Variants in FBLN1 observed in about 807,000 individuals in gnomAD.
FBLN1 encodes the protein fibulin-1.
Under a neutral mutation model 89.7 loss-of-function variants are expected in FBLN1, and 34 were observed. The observed-to-expected ratio is 0.38, with a 90% CI of 0.29 to 0.50. The LOEUF (loss-of-function observed/expected upper bound fraction) is 0.50. Among genes scored for constraint, FBLN1 ranks in the 20% least tolerant of loss-of-function variants. The pLI, the probability that FBLN1 is intolerant of heterozygous loss-of-function variation, is 0.92. For missense variants in FBLN1, 777 were observed against 988.1 expected, an observed-to-expected ratio of 0.79 and a Z score of 2.86; for synonymous variants, 393 against 391.3, an observed-to-expected ratio of 1.00 and a Z score of -0.05.
chr22:45,585,748 C>T (rs1169956019), intron 16 of FBLN1, among the ~76,000 whole-genome samples: 2 of 152,092 alleles, frequency 1.3e-5, no homozygotes, highest in African/African-American at 2.4e-5. Flanking sequence ...GGCATGGGGA[C>T]GAGGGTGTCT....
Position 45,574,636 on chromosome 22 carries a change from A to G in FBLN1, c.1823A>G (p.Glu608Gly). The G allele has an allele frequency of 6.2e-7, 1 of 1,613,898 alleles. No individual in the cohort carries two copies. Among genetic ancestry groups the G allele is most frequent in the African/African-American group, 1.3e-5 (1 of 75,028 alleles). ...GTCATCTCGCTGCCTACCTTCCGCG[A>G]GTTCACCCGCCCTGAAGGTGAGTGG... ...HTVISLPTFR[E>G]FTRPEEIIFL... Residue 608 changes from glutamate to glycine, a missense_variant, in exon 15 of 17, where the codon GAG (glutamate) becomes GGG (glycine). Coordinates refer to ENST00000327858, the MANE Select transcript of FBLN1 (RefSeq NM_006486.3). This position sits in a 1 kb window ranked among gnomAD's most constrained non-coding sequence, Gnocchi z 4.1.
intron 14 of FBLN1, chr22:45,551,025 C>A: frequency 3.3e-6 from 1 of 306,290 alleles, no homozygotes; most frequent in South Asian, 3.3e-5. Context: ...AGCCAGGGAG[C>A]CGATGTGACC....
At chr22:45,522,691 C>T (rs1331435300) in intron 2 of FBLN1, among the ~76,000 whole-genome samples, 2 of 152,192 alleles carry the variant, frequency 1.3e-5, no homozygotes, top group Non-Finnish European at 2.9e-5. Context: ...CACCAAGGCC[C>T]GACATTCCTT....
At chr22:45,503,157 G>A (rs1266027418) in intron 1 of FBLN1, 93 bp downstream of exon 1, 11 of 1,015,720 alleles carry the variant, frequency 1.1e-5, no homozygotes, top group Non-Finnish European at 1.1e-5. Flanking sequence ...GGGACTCGGA[G>A]TCCGTGCGTT....
intron 14 of FBLN1, among the ~76,000 whole-genome samples, chr22:45,551,521 C>T (rs113764477): frequency 6.6e-6 from 1 of 152,246 alleles, no homozygotes; most frequent in African/African-American, 2.4e-5. Context: ...CCCGAGCAGC[C>T]CCGTTGTCCC....
intron 1 of FBLN1, among the ~76,000 whole-genome samples, chr22:45,505,040 G>T (rs2088000310): frequency 6.6e-6 from 1 of 152,206 alleles, no homozygotes; most frequent in Non-Finnish European, 1.5e-5. Context: ...GGCCGCAGAT[G>T]GTGAGCCTGT....
rs1008035394 is a variant in FBLN1 at position 45,590,640 on chromosome 22, G to A, written c.1973-9667G>A. On this transcript the variant is annotated intron_variant, in intron 16 of 16. Transcript: ENST00000327858. This position sits in a 1 kb window ranked among gnomAD's most constrained non-coding sequence, Gnocchi z 4.1. Reference sequence around the variant, plus strand: ...GTGTTCAGGTAGATGCGACGAGGCCGGAACTGAGGCCAGGTGGGGTTGTGG... The same window carrying A: ...GTGTTCAGGTAGATGCGACGAGGCCAGAACTGAGGCCAGGTGGGGTTGTGG... Among the ~76,000 whole-genome samples the A allele has an allele frequency of 6.6e-6, 1 of 152,154 alleles. No homozygotes were observed. Among genetic ancestry groups the A allele is most frequent in the Non-Finnish European group, 1.5e-5 (1 of 68,026 alleles).
In FBLN1 at chr22:45,548,849, C is replaced by G. The variant is rs1187694697; in HGVS notation, c.1573+105C>G. On this transcript the variant is annotated intron_variant, in intron 13 of 16. Transcript: ENST00000327858. ...GGGCTGTGCTTCCCCAACCCAAGGG[C>G]CACAGCACAGATGGAATGCATTCAG... The G allele has an allele frequency of 2.6e-6, 4 of 1,534,936 alleles. No individual in the cohort carries two copies. In the African/African-American group the frequency reaches 4.1e-5, roughly 16 times the overall value.
intron 14 of FBLN1, among the ~76,000 whole-genome samples, chr22:45,568,565 C>T (rs1569260141): frequency 0.02 from 2,400 of 117,358 alleles, 836 homozygotes; most frequent in Middle Eastern, 0.035. Context: ...AGGGCATGCT[C>T]CTTCTGTAGG....
At chr22:45,520,688 C>T (rs1447826775) in intron 2 of FBLN1, among the ~76,000 whole-genome samples, 1 of 152,222 alleles carries the variant, frequency 6.6e-6, no homozygotes. Context: ...CCTCAACGTG[C>T]AGGCAGAGGA....
rs906531885 is a variant in FBLN1, at chr22:45,579,519, G to A, written c.1972+2411G>A. On this transcript the variant is annotated intron_variant, in intron 16 of 16. Coordinates refer to ENST00000327858, the MANE Select transcript of FBLN1 (RefSeq NM_006486.3). The surrounding 1 kb of genome is among the most constrained non-coding windows in gnomAD (Gnocchi z 5.5). ...CTTTGGAATTCTGGGCTGGGGCTGCGTGGGGGAGGGCCCCAGCCTGGCCCT... is the reference window on the plus strand; with the variant it reads ...CTTTGGAATTCTGGGCTGGGGCTGCATGGGGGAGGGCCCCAGCCTGGCCCT... 1.3e-5 allele frequency among the ~76,000 whole-genome samples: 2 copies of A among 152,254 alleles called. No homozygotes were observed. The highest frequency in any genetic ancestry group is 2.4e-5 in the African/African-American group (1 of 41,476).
chr22:45,506,539 G>A lies in FBLN1; in HGVS notation c.79+3475G>A, dbSNP rs965490940. ...CTGGCAGAGTCAGGGAAGACTTCCC[G>A]GAGGAAGCGGCATGCAAACTGGGAA... On this transcript the variant is annotated intron_variant, in intron 1 of 16. Transcript: ENST00000327858. 2.0e-5 allele frequency among the ~76,000 whole-genome samples: 3 copies of A among 152,080 alleles called. No individual in the cohort carries two copies. In the South Asian group the frequency reaches 6.2e-4, roughly 31 times the overall value.
In FBLN1 at chr22:45,563,358, A is replaced by G. The variant is rs2088873187; in HGVS notation, c.1698-11153A>G. ...TAAAGTCTTAGCAAGCGTCCCACACAGTGAGCCTCGCGTGCCTTGGTTTTA... is the reference window on the plus strand; with the variant it reads ...TAAAGTCTTAGCAAGCGTCCCACACGGTGAGCCTCGCGTGCCTTGGTTTTA... On this transcript the variant is annotated intron_variant, in intron 14 of 16. Coordinates refer to ENST00000327858, the MANE Select transcript of FBLN1 (RefSeq NM_006486.3). The surrounding 1 kb of genome is among the most constrained non-coding windows in gnomAD (Gnocchi z 5.7). 5 of 1,589,238 alleles carry G rather than the reference A, an allele frequency of 3.1e-6. No individual in the cohort carries two copies. Among genetic ancestry groups the G allele is most frequent in the Middle Eastern group, 1.9e-4 (1 of 5,152 alleles).
At chr22:45,522,848 C>T (rs1287011012) in intron 2 of FBLN1, among the ~76,000 whole-genome samples, 3 of 152,230 alleles carry the variant, frequency 2.0e-5, no homozygotes, top group Non-Finnish European at 4.4e-5. Context: ...TCTCTAACCC[C>T]TTCTTTATTT....
intron 16 of FBLN1, among the ~76,000 whole-genome samples, chr22:45,591,861 A>G (rs4823306): frequency 0.37 from 15,380 of 42,104 alleles, 2,107 homozygotes; most frequent in East Asian, 0.46. Flanking sequence ...AGTGTCCTGC[A>G]CGCCATTTTG....
rs2089063139 is a variant in FBLN1, at chr22:45,583,902, G to C, written c.1972+6794G>C. Among the ~76,000 whole-genome samples the C allele has an allele frequency of 6.6e-6, 1 of 152,184 alleles. No homozygotes were observed. The highest frequency in any genetic ancestry group is 2.1e-4 in the South Asian group (1 of 4,832). On this transcript the variant is annotated intron_variant, in intron 16 of 16. Transcript: ENST00000327858. The surrounding 1 kb of genome is among the most constrained non-coding windows in gnomAD (Gnocchi z 4.5). Reference sequence around the variant, plus strand: ...TCCCGTGAGGAATTCTAACTGGGGGGCTTGGAGCAGGCAGGAGTTCCCTGA... The same window carrying C: ...TCCCGTGAGGAATTCTAACTGGGGGCCTTGGAGCAGGCAGGAGTTCCCTGA...
At chr22:45,567,466 A>C (rs1287527238) in intron 14 of FBLN1, among the ~76,000 whole-genome samples, 1 of 152,150 alleles carries the variant, frequency 6.6e-6, no homozygotes, top group East Asian at 1.9e-4. Flanking sequence ...AAATACAACA[A>C]TTAGCTGGTC....
intron 16 of FBLN1, among the ~76,000 whole-genome samples, chr22:45,587,862 C>T (rs1174705193): frequency 6.6e-6 from 1 of 152,168 alleles, no homozygotes; most frequent in Non-Finnish European, 1.5e-5. Context: ...GGATGCCGTC[C>T]ACACGCTCCA....
intron 14 of FBLN1, among the ~76,000 whole-genome samples, chr22:45,559,892 C>T (rs891294874): frequency 7.9e-5 from 12 of 152,164 alleles, no homozygotes; most frequent in African/African-American, 2.2e-4. Flanking sequence ...CAAGAGGACC[C>T]GCCTCCCCTT....
Sources: gnomAD v4.1 joint callset for allele counts (sites outside exome capture counted in the v4.1 genomes callset) on GRCh38, gnomAD v4.1.1 for gene constraint, Gnocchi (gnomAD v3.1) non-coding constraint, MANE v1.5 for transcripts, NCBI Gene and HGNC (gene_info 2026-07-23, HGNC 2026-07-21) for gene names.